TCERG1: variants seen among roughly 807,000 people sequenced by gnomAD.
TCERG1 encodes the protein transcription elongation regulator 1.
A neutral mutation model predicts 144.7 loss-of-function variants in TCERG1; 37 were observed. That is an observed-to-expected ratio of 0.26 (90% CI 0.20 to 0.34). The LOEUF (loss-of-function observed/expected upper bound fraction) is 0.34, where lower values mean the gene tolerates loss of function less well. Among genes scored for constraint, TCERG1 ranks in the 10% least tolerant of loss-of-function variants. The pLI, the probability that TCERG1 is intolerant of heterozygous loss-of-function variation, is 1.00. For missense variants in TCERG1, 1,027 were observed against 1,380.7 expected, an observed-to-expected ratio of 0.74 and a Z score of 4.06; for synonymous variants, 492 against 458.2, an observed-to-expected ratio of 1.07 and a Z score of -0.94.
rs138097842 is a variant in TCERG1, at chr5:146,480,166, T to C, written c.1886+72T>C. 68 of 1,180,114 alleles carry C rather than the reference T, an allele frequency of 5.8e-5. No homozygotes were observed. In the African/African-American group the frequency reaches 9.7e-4, roughly 17 times the overall value. 73.1% of individuals were successfully genotyped at this position (1,180,114 alleles called of 1,614,324 possible). A position where few individuals can be genotyped will look rare whatever the true frequency, so the allele number is the denominator to read the frequency against. ...AGTCGATTTGGTAATAATTTGTGAT[T>C]GGAAGGGACAGGTAATGTGAATGTT... On this transcript the variant is annotated intron_variant, in intron 12 of 22. Coordinates refer to ENST00000679501, the MANE Select transcript of TCERG1 (RefSeq NM_001382548.1).
chr5:146,492,829 A>T, intron 15 of TCERG1, 91 bp from the exon 16 acceptor site: 1 of 857,006 alleles, frequency 1.2e-6, no homozygotes, highest in Admixed American at 2.4e-5. Flanking sequence ...TTTTCCTGGT[A>T]TAGTTTGGAC....
chr5:146,497,729 G>A lies in TCERG1; in HGVS notation c.2283-807G>A, dbSNP rs536177616. Among the ~76,000 whole-genome samples the A allele has an allele frequency of 5.3e-5, 8 of 152,270 alleles. No homozygotes were observed. The South Asian group carries it at 1.7e-3, about 32-fold the overall frequency. ...GTTTTGTTAATGTGAATCTCTGAAA[G>A]TGTAATATGTTTCTTTTAGCCTTCC... is the stretch of plus-strand genomic sequence containing the variant. On this transcript the variant is annotated intron_variant, in intron 16 of 22. Coordinates refer to ENST00000679501, the MANE Select transcript of TCERG1 (RefSeq NM_001382548.1).
At chr5:146,484,260 T>C (rs1483932152) in intron 15 of TCERG1, among the ~76,000 whole-genome samples, 1 of 152,158 alleles carries the variant, frequency 6.6e-6, no homozygotes, top group Non-Finnish European at 1.5e-5. Flanking sequence ...GTTGAATTAG[T>C]GTTGCTTTTT....
chr5:146,478,121 A>G (rs1052163985), intron 9 of TCERG1, among the ~76,000 whole-genome samples: 1 of 152,184 alleles, frequency 6.6e-6, no homozygotes, highest in Non-Finnish European at 1.5e-5. Flanking sequence ...CTAGGATGCT[A>G]TGTCTGTTCT....
intron 22 of TCERG1, 111 bp downstream of exon 22, chr5:146,509,356 G>T: frequency 2.9e-6 from 2 of 700,938 alleles, no homozygotes; most frequent in Non-Finnish European, 4.7e-6. Context: ...TTAATTTTTA[G>T]GGATAAGAAG....
At chr5:146,472,701 T>TTGTGTGTGTGTGTGTGTGTG (rs59508893) in intron 9 of TCERG1, among the ~76,000 whole-genome samples, 12,161 of 145,716 alleles carry the variant, frequency 0.083, 990 homozygotes, top group East Asian at 0.49. Context: ...ACCTCTCACT[T>TTGTGTGTGTGTGTGTGTGTG]TGTGTGTGTG....
At chr5:146,461,504 C>T (rs1399195093) in intron 4 of TCERG1, among the ~76,000 whole-genome samples, 1 of 152,122 alleles carries the variant, frequency 6.6e-6, no homozygotes, top group Admixed American at 6.5e-5. Context: ...CTCCCAGTTT[C>T]CCATTATTTT....
At chr5:146,504,903 G>A (rs141215555) in intron 19 of TCERG1, among the ~76,000 whole-genome samples, 9,646 of 152,076 alleles carry the variant, frequency 0.063, 425 homozygotes, top group Non-Finnish European at 0.085. Context: ...AAAATTAGCC[G>A]GGTGTGGTGG....
chr5:146,498,783 A>G, intron 17 of TCERG1, 97 bp downstream of exon 17: 1 of 1,321,356 alleles, frequency 7.6e-7, no homozygotes, highest in Non-Finnish European at 1.0e-6. Flanking sequence ...ATTGGCATAA[A>G]TAATAGGACG....
Position 146,470,640 on chromosome 5 carries a change from G to A in TCERG1, c.1404G>A (p.Lys468=). 1 of 1,596,326 alleles carries A rather than the reference G, an allele frequency of 6.3e-7. No homozygotes were observed. The highest frequency in any genetic ancestry group is 8.5e-7 in the Non-Finnish European group (1 of 1,175,766). Residue 468 remains lysine, a synonymous_variant, in exon 8 of 23, where the codon AAG becomes AAA. Transcript: ENST00000679501. ...EKPQELKEKE[K]LEEKIKEPIK... ...TTATCTTAATTTTTTTCATAGAAAA[G>A]TTAGAAGAGAAGATTAAAGAGCCAA... is the stretch of plus-strand genomic sequence containing the variant.
Position 146,507,526 on chromosome 5 carries a change from G to C in TCERG1, c.2961+319G>C. On this transcript the variant is annotated intron_variant, in intron 20 of 22. Coordinates refer to ENST00000679501, the MANE Select transcript of TCERG1 (RefSeq NM_001382548.1). This position sits in a 1 kb window ranked among gnomAD's most constrained non-coding sequence, Gnocchi z 4.6. ...TTTCAATTTGGTACTATGGCCTCTT[G>C]TTCGGCAGTTTGTACGCTTTGTTAT... 3.0e-6 allele frequency: 1 copy of C among 334,376 alleles called. No individual in the cohort carries two copies. Among genetic ancestry groups the C allele is most frequent in the Non-Finnish European group, 5.3e-6 (1 of 186,922 alleles). The allele number at this position is 334,376 out of a possible 1,614,324, so 20.7% of individuals were successfully genotyped here.
intron 1 of TCERG1, among the ~76,000 whole-genome samples, chr5:146,448,546 A>G (rs1762094723): frequency 1.3e-5 from 2 of 152,228 alleles, no homozygotes; most frequent in South Asian, 2.1e-4. Context: ...TTTGAAAATG[A>G]AAAAGAGCAG....
At position 146,510,265 on chromosome 5, in the gene TCERG1, G is replaced by C. The variant is rs1309031141; in HGVS notation, c.3147-176G>C. The C allele has an allele frequency of 8.9e-6, 6 of 677,262 alleles. No homozygotes were observed. In the East Asian group the frequency reaches 1.5e-4, roughly 17 times the overall value. 42.0% of individuals were successfully genotyped at this position (677,262 alleles called of 1,614,324 possible). On this transcript the variant is annotated intron_variant, in intron 22 of 22. Transcript: ENST00000679501. The stretch of plus-strand genomic sequence containing the variant: ...AGCTTCTGAGGCCCTTTCACTCCTT[G>C]GAGTCTTTGCTGAGGCGACTTACAA...
At chr5:146,479,166 A>T (rs1332753476) in intron 10 of TCERG1, among the ~76,000 whole-genome samples, 1 of 152,148 alleles carries the variant, frequency 6.6e-6, no homozygotes, top group African/African-American at 2.4e-5. Flanking sequence ...TATATTGAGT[A>T]CAGATATTTG....
chr5:146,461,112 T>C lies in TCERG1; in HGVS notation c.892+1775T>C, dbSNP rs569189935. On this transcript the variant is annotated intron_variant, in intron 4 of 22. Transcript: ENST00000679501. ...ATTTAACCATACTATATATAGTCCATGTCTGTTTTCAGAGTAGTGTGTCAG... is the reference window on the plus strand; with the variant it reads ...ATTTAACCATACTATATATAGTCCACGTCTGTTTTCAGAGTAGTGTGTCAG... Among the ~76,000 whole-genome samples, 6 of 152,336 alleles carry C rather than the reference T, an allele frequency of 3.9e-5. No individual in the cohort carries two copies. The South Asian group carries it at 1.2e-3, about 32-fold the overall frequency.
Position 146,479,818 on chromosome 5 carries a change from A to G in TCERG1, c.1763-37A>G, listed in dbSNP as rs554686652. 14 of 1,610,592 alleles carry G rather than the reference A, an allele frequency of 8.7e-6. 1 individual carries two copies. In the South Asian group the frequency reaches 1.1e-4, roughly 13 times the overall value. Reference sequence around the variant, plus strand: ...AAGAAAAGTTTGTGAAATATATGCAAATGACTTTGTAACAATATTTGAAAT... The same window carrying G: ...AAGAAAAGTTTGTGAAATATATGCAGATGACTTTGTAACAATATTTGAAAT... On this transcript the variant is annotated intron_variant, in intron 10 of 22. Transcript: ENST00000679501.
intron 4 of TCERG1, chr5:146,461,879 A>C (rs1341741545): frequency 6.6e-6 from 1 of 152,458 alleles, no homozygotes; most frequent in Non-Finnish European, 1.5e-5. Flanking sequence ...AGTTGGGAAC[A>C]ATGACCAGAT....
At position 146,511,304 on chromosome 5, in the gene TCERG1, T is replaced by G. The variant is rs906762083; in HGVS notation, c.*662T>G. 2 of 152,638 alleles carry G rather than the reference T, an allele frequency of 1.3e-5. No homozygotes were observed. The highest frequency in any genetic ancestry group is 6.5e-5 in the Admixed American group (1 of 15,288). The allele number at this position is 152,638 out of a possible 1,614,324, so 9.5% of individuals were successfully genotyped here. On this transcript the variant is annotated 3_prime_UTR_variant, in exon 23 of 23. Transcript: ENST00000679501. Reference sequence around the variant, plus strand: ...GTCATAACTAACATGTTGGCCAGAATAGAACCACTGGTTAAACATATTTTA... The same window carrying G: ...GTCATAACTAACATGTTGGCCAGAAGAGAACCACTGGTTAAACATATTTTA...
chr5:146,464,711 T>G (rs1459318843), intron 5 of TCERG1, among the ~76,000 whole-genome samples: 1 of 152,218 alleles, frequency 6.6e-6, no homozygotes, highest in Non-Finnish European at 1.5e-5. Context: ...AGGGCTAGTT[T>G]GTAGCAAAGA....
Sources: gnomAD v4.1 joint callset for allele counts (sites outside exome capture counted in the v4.1 genomes callset) on GRCh38, gnomAD v4.1.1 for gene constraint, Gnocchi (gnomAD v3.1) non-coding constraint, MANE v1.5 for transcripts, NCBI Gene and HGNC (gene_info 2026-07-23, HGNC 2026-07-21) for gene names.